Variants in C19orf44 observed in about 807,000 individuals in gnomAD.
The protein encoded by C19orf44 is uncharacterized protein C19orf44.
Under a neutral mutation model 50.7 loss-of-function variants are expected in C19orf44, and 43 were observed. That is an observed-to-expected ratio of 0.85 (90% CI 0.66 to 1.09). The LOEUF (loss-of-function observed/expected upper bound fraction) is 1.09, where lower values mean the gene tolerates loss of function less well. Ranked by LOEUF, C19orf44 falls within the 50% of genes least tolerant of loss-of-function variation. C19orf44 has a pLI of 0.00. For missense variants in C19orf44, 722 were observed against 836.2 expected (o/e 0.86, Z 1.68); for synonymous variants, 298 against 334.7 (o/e 0.89, Z 1.20).
chr19:16,519,945 G>A lies in C19orf44; in HGVS notation c.*41-149G>A, dbSNP rs978370908. On this transcript the variant is annotated intron_variant, in intron 8 of 8. Transcript: ENST00000221671. This position sits in a 1 kb window ranked among gnomAD's most constrained non-coding sequence, Gnocchi z 6.0. ...TTGAGAGCAGGACACCTCCAACCCAGATGGTGGTTAGAAAGCAGACCCCAG... is the reference window on the plus strand; with the variant it reads ...TTGAGAGCAGGACACCTCCAACCCAAATGGTGGTTAGAAAGCAGACCCCAG... 5 of 668,186 alleles carry A rather than the reference G, an allele frequency of 7.5e-6. No homozygotes were observed. Among genetic ancestry groups the A allele is most frequent in the Non-Finnish European group, 1.3e-5 (5 of 390,878 alleles). 41.4% of individuals were successfully genotyped at this position (668,186 alleles called of 1,614,324 possible). A position where few individuals can be genotyped will look rare whatever the true frequency, so the allele number is the denominator to read the frequency against.
At chr19:16,499,633 G>A (rs1444207027) in intron 1 of C19orf44, 1 of 152,144 alleles carries the variant, frequency 6.6e-6, no homozygotes, top group Non-Finnish European at 1.5e-5. Flanking sequence ...AAGTCTTGCA[G>A]TGGGTTGTTC....
intron 4 of C19orf44, 137 bp from the exon 5 acceptor site, chr19:16,509,362 C>G (rs190040908): frequency 2.5e-6 from 3 of 1,185,446 alleles, no homozygotes; most frequent in Non-Finnish European, 3.6e-6. Context: ...TACTCCGTGC[C>G]CACATCTAAT....
rs756645338 is a variant in C19orf44 at position 16,504,595 on chromosome 19, TTCTG to T, written c.1075+1221_1075+1224del. ...TAGACCAGGGGCTAGCAGGCCTGTC[TTCTG>T]TCTGTTTTTTTTTTTGTTTGTTTGT... On this transcript the variant is annotated intron_variant, in intron 3 of 8. Coordinates refer to ENST00000221671, the MANE Select transcript of C19orf44 (RefSeq NM_032207.4). Among the ~76,000 whole-genome samples, 101 of 133,626 alleles carry T rather than the reference TTCTG, an allele frequency of 7.6e-4. 1 individual carries two copies. Among genetic ancestry groups the T allele is most frequent in the South Asian group, 3.1e-3 (14 of 4,508 alleles). The allele number at this position is 133,626 out of a possible 152,430, so 87.7% of individuals were successfully genotyped here. A position where few individuals can be genotyped will look rare whatever the true frequency, so the allele number is the denominator to read the frequency against.
Position 16,500,832 on chromosome 19 carries a change from G to GT in C19orf44, c.45dup (p.Gly16TrpfsTer2), listed in dbSNP as rs774396285. The GT allele has an allele frequency of 6.2e-7, 1 of 1,600,494 alleles. No homozygotes were observed. The highest frequency in any genetic ancestry group is 8.5e-7 in the Non-Finnish European group (1 of 1,175,578). On this transcript the variant is annotated frameshift_variant, in exon 2 of 9. Coordinates refer to ENST00000221671, the MANE Select transcript of C19orf44 (RefSeq NM_032207.4). LOFTEE classifies it high-confidence loss of function. ...GAAAGCCAGCCGTCCCATGCGTGAT[G>GT]TTTTTGGTGACTTCAGTGATGTTTC...
intron 5 of C19orf44, among the ~76,000 whole-genome samples, chr19:16,511,690 C>G (rs894737760): frequency 6.6e-6 from 1 of 152,036 alleles, no homozygotes; most frequent in Non-Finnish European, 1.5e-5. Context: ...CAGCGATTCT[C>G]CCACCTCAGC....
chr19:16,511,572 A>G (rs1192367086), intron 5 of C19orf44, among the ~76,000 whole-genome samples: 1 of 151,550 alleles, frequency 6.6e-6, no homozygotes, highest in Admixed American at 6.6e-5. Flanking sequence ...CCATGTTATT[A>G]TTTTATTTTA....
chr19:16,503,794 G>C (rs944254548), intron 3 of C19orf44, among the ~76,000 whole-genome samples: 1 of 152,048 alleles, frequency 6.6e-6, no homozygotes, highest in African/African-American at 2.4e-5. Context: ...TGAGTTCCTG[G>C]CCTTAGGTGA....
chr19:16,501,039 A>G lies in C19orf44; in HGVS notation c.247A>G (p.Thr83Ala), dbSNP rs1204250156. ...GPRLASCRPP[T>A]TASRIRANAA... is the part of the protein sequence containing the mutation. ...CAGGCTTGCCTCATGTAGACCGCCC[A>G]CCACTGCCTCCAGGATCCGAGCCAA... The change falls in exon 2 of 9, where the codon ACC becomes GCC. Residue 83 changes from threonine to alanine, a missense_variant. Thr to Ala is a moderately conservative substitution (Grantham distance 58). Coordinates refer to ENST00000221671, the MANE Select transcript of C19orf44 (RefSeq NM_032207.4). 8 of 1,614,006 alleles carry G rather than the reference A, an allele frequency of 5.0e-6. No individual in the cohort carries two copies. The highest frequency in any genetic ancestry group is 1.7e-4 in the Middle Eastern group (1 of 6,060).
At position 16,519,533 on chromosome 19, in the gene C19orf44, A is replaced by G. The variant is rs1318255487; in HGVS notation, c.*41-561A>G. On this transcript the variant is annotated intron_variant, in intron 8 of 8. Coordinates refer to ENST00000221671, the MANE Select transcript of C19orf44 (RefSeq NM_032207.4). The surrounding 1 kb of genome is among the most constrained non-coding windows in gnomAD (Gnocchi z 6.0). ...CCGGCCTGACTCCATCCATCCCCACATGCACTGAGGAAGAGAAAGCGCTGG... is the reference window on the plus strand; with the variant it reads ...CCGGCCTGACTCCATCCATCCCCACGTGCACTGAGGAAGAGAAAGCGCTGG... The G allele has an allele frequency of 3.0e-6, 4 of 1,322,334 alleles. No homozygotes were observed. Among genetic ancestry groups the G allele is most frequent in the Admixed American group, 1.7e-5 (1 of 58,564 alleles). 81.9% of individuals were successfully genotyped at this position (1,322,334 alleles called of 1,614,324 possible). A position where few individuals can be genotyped will look rare whatever the true frequency, so the allele number is the denominator to read the frequency against.
At chr19:16,498,831 C>T (rs976238455) in intron 1 of C19orf44, among the ~76,000 whole-genome samples, 21 of 151,808 alleles carry the variant, frequency 1.4e-4, no homozygotes, top group African/African-American at 4.8e-4. Flanking sequence ...CCACCGCGCC[C>T]GGCTAATTTT....
Position 16,520,388 on chromosome 19 carries a change from C to T in C19orf44, c.*335C>T, listed in dbSNP as rs757723616. 1.8e-5 allele frequency: 29 copies of T among 1,613,910 alleles called. No individual in the cohort carries two copies. Among genetic ancestry groups the T allele is most frequent in the South Asian group, 3.3e-5 (3 of 91,090 alleles). On this transcript the variant is annotated 3_prime_UTR_variant, in exon 9 of 9. Transcript: ENST00000221671. This position sits in a 1 kb window ranked among gnomAD's most constrained non-coding sequence, Gnocchi z 4.0. ...CCTAGATCTGGAGCGGGAGTAGGAA[C>T]GGGAGCAGGAGCGCGACCTTGACCT...
At position 16,503,110 on chromosome 19, in the gene C19orf44, T is replaced by C. The variant is rs1226298568; in HGVS notation, c.805T>C (p.Ser269Pro). The C allele has an allele frequency of 8.7e-6, 14 of 1,614,078 alleles. No individual in the cohort carries two copies. The highest frequency in any genetic ancestry group is 1.1e-5 in the Non-Finnish European group (13 of 1,180,030). Residue 269 changes from serine (S) to proline (P), a missense_variant, in exon 3 of 9, where the codon TCC (serine) becomes CCC (proline). Physicochemically the swap from Ser to Pro is moderately conservative, Grantham distance 74 (BLOSUM62 -1). Transcript: ENST00000221671. ...ATTTACTGTACCCAGCGTGGAACTC[T>C]CCAGCGCAAAGCCTTCTCAGACATC... ...RAFTVPSVEL[S>P]SAKPSQTSHL...
chr19:16,498,583 A>G (rs979117069), intron 1 of C19orf44, among the ~76,000 whole-genome samples: 1 of 150,696 alleles, frequency 6.6e-6, no homozygotes, highest in Non-Finnish European at 1.5e-5. Context: ...TGTGGGCTTC[A>G]ATCTGTTCAC....
chr19:16,503,405 C>G, intron 3 of C19orf44, 25 bp downstream of exon 3: 2 of 1,589,748 alleles, frequency 1.3e-6, no homozygotes, highest in Non-Finnish European at 1.7e-6. Context: ...GGTGCAAAGC[C>G]AGTACCTTGG....
At chr19:16,506,195 T>C (rs2093440066) in intron 3 of C19orf44, among the ~76,000 whole-genome samples, 1 of 146,246 alleles carries the variant, frequency 6.8e-6, no homozygotes, top group African/African-American at 2.6e-5. Flanking sequence ...CAGGATGGTC[T>C]CGATCTCCTG....
At chr19:16,499,976 A>T (rs999607732) in intron 1 of C19orf44, among the ~76,000 whole-genome samples, 11 of 151,926 alleles carry the variant, frequency 7.2e-5, no homozygotes, top group African/African-American at 2.7e-4. Context: ...TTTAGTAGAG[A>T]CGGGGTTTCA....
rs771270767 is a variant in C19orf44 at position 16,509,594 on chromosome 19, C to CT, written c.1246dup (p.Trp416LeufsTer14). 9.9e-6 allele frequency: 16 copies of CT among 1,614,172 alleles called. No homozygotes were observed. The highest frequency in any genetic ancestry group is 9.9e-5 in the South Asian group (9 of 91,084). ...CCCCGAGGCAGGCCCAGGCGAGGAG[C>CT]TGGGCATCACAGGGAAAGGCCGCCT... On this transcript the variant is annotated frameshift_variant, in exon 5 of 9. Coordinates refer to ENST00000221671, the MANE Select transcript of C19orf44 (RefSeq NM_032207.4). LOFTEE classifies it high-confidence loss of function.
rs758045225 is a variant in C19orf44, at chr19:16,520,833, T to C, written c.*780T>C. 1.2e-6 allele frequency: 2 copies of C among 1,613,792 alleles called. No homozygotes were observed. The highest frequency in any genetic ancestry group is 4.5e-5 in the East Asian group (2 of 44,884). On this transcript the variant is annotated 3_prime_UTR_variant, in exon 9 of 9. Coordinates refer to ENST00000221671, the MANE Select transcript of C19orf44 (RefSeq NM_032207.4). The surrounding 1 kb of genome is among the most constrained non-coding windows in gnomAD (Gnocchi z 4.0). ...AGACATCTGCGCTTTTACCTGTTCC[T>C]CTTCTCCTGGCCTTTCCTCCGCCGG...
At chr19:16,504,418 T>C (rs1195267677) in intron 3 of C19orf44, among the ~76,000 whole-genome samples, 1 of 152,108 alleles carries the variant, frequency 6.6e-6, no homozygotes. Flanking sequence ...ATAGGATGCT[T>C]TGGGGCCATG....
Sources: gnomAD v4.1 joint callset for allele counts (sites outside exome capture counted in the v4.1 genomes callset) on GRCh38, gnomAD v4.1.1 for gene constraint, Gnocchi (gnomAD v3.1) non-coding constraint, MANE v1.5 for transcripts, NCBI Gene and HGNC (gene_info 2026-07-23, HGNC 2026-07-21) for gene names.